The following GAN variants were observed in gnomAD, a reference collection of about 807,000 sequenced individuals.
GAN encodes the protein epididymis secretory sperm binding protein.
A neutral mutation model predicts 71.3 loss-of-function variants in GAN; 48 were observed. That is an observed-to-expected ratio of 0.67 (90% CI 0.53 to 0.86). The LOEUF (loss-of-function observed/expected upper bound fraction) is 0.86, where lower values mean the gene tolerates loss of function less well. Ranked by LOEUF, GAN falls within the 40% of genes least tolerant of loss-of-function variation. The pLI, the probability that GAN is intolerant of heterozygous loss-of-function variation, is 0.00. For synonymous variants in GAN, 386 were observed against 276.8 expected (o/e 1.39, Z -3.92); for missense variants, 928 against 770.1 (o/e 1.21, Z -2.43).
Position 81,378,274 on chromosome 16 carries a change from T to A in GAN, c.*678T>A, listed in dbSNP as rs1567501925. ...TTGATGAGTCAGGTTGCAGCCCTCA[T>A]GTGAACTGAAAGAAGTTGCTCGCTT... On this transcript the variant is annotated 3_prime_UTR_variant, in exon 11 of 11. Transcript: ENST00000648994. The A allele has an allele frequency of 6.5e-6, 1 of 154,610 alleles. No individual in the cohort carries two copies. The highest frequency in any genetic ancestry group is 2.4e-5 in the African/African-American group (1 of 41,454). 9.6% of individuals were successfully genotyped at this position (154,610 alleles called of 1,614,324 possible).
chr16:81,343,634 A>T (rs149424488), intron 1 of GAN, among the ~76,000 whole-genome samples: 1 of 152,204 alleles, frequency 6.6e-6, no homozygotes, highest in African/African-American at 2.4e-5. Context: ...AATAAGACCT[A>T]TTTACGACAA....
chr16:81,336,116 C>A (rs532724187), intron 1 of GAN, among the ~76,000 whole-genome samples: 2 of 152,324 alleles, frequency 1.3e-5, no homozygotes, highest in Non-Finnish European at 2.9e-5. Flanking sequence ...AGGAAGAGCA[C>A]CTTGGTGTTA....
chr16:81,332,178 A>G (rs1909602856), intron 1 of GAN, among the ~76,000 whole-genome samples: 1 of 151,248 alleles, frequency 6.6e-6, no homozygotes. Context: ...AAAAAAAAAG[A>G]AAAAGAAAAA....
intron 9 of GAN, among the ~76,000 whole-genome samples, chr16:81,371,488 C>G (rs1911034448): frequency 6.6e-6 from 1 of 152,206 alleles, no homozygotes; most frequent in Admixed American, 6.5e-5. Context: ...CTTGGTTAGA[C>G]TTAAATTGCA....
At chr16:81,351,816 T>C in intron 2 of GAN, 119 bp downstream of exon 2, 3 of 732,894 alleles carry the variant, frequency 4.1e-6, no homozygotes, top group Non-Finnish European at 5.0e-6. Flanking sequence ...TCTGTCACTG[T>C]GTGCATTGAC....
At chr16:81,336,127 G>C (rs935503697) in intron 1 of GAN, among the ~76,000 whole-genome samples, 3 of 152,188 alleles carry the variant, frequency 2.0e-5, no homozygotes, top group African/African-American at 7.2e-5. Flanking sequence ...CTTGGTGTTA[G>C]CCTGTGTAGC....
In GAN at chr16:81,383,420, T is replaced by A. The variant is rs1228964584; in HGVS notation, c.*5824T>A. ...GGTGCTTATTACCACACTCGGCGAA[T>A]TTTTTGTGTTTTTAGTAGAGACGGG... On this transcript the variant is annotated 3_prime_UTR_variant, in exon 11 of 11. Coordinates refer to ENST00000648994, the MANE Select transcript of GAN (RefSeq NM_022041.4). 3 of 151,738 alleles carry A rather than the reference T, an allele frequency of 2.0e-5. No homozygotes were observed. The highest frequency in any genetic ancestry group is 4.4e-5 in the Non-Finnish European group (3 of 67,918). 9.4% of individuals were successfully genotyped at this position (151,738 alleles called of 1,614,324 possible).
chr16:81,361,867 T>G (rs1910683969), intron 5 of GAN, among the ~76,000 whole-genome samples: 1 of 152,172 alleles, frequency 6.6e-6, no homozygotes, highest in Non-Finnish European at 1.5e-5. Context: ...GCTAATTTCA[T>G]TATTTTTTGT....
At chr16:81,353,978 G>T (rs1267159345) in intron 2 of GAN, among the ~76,000 whole-genome samples, 1 of 151,738 alleles carries the variant, frequency 6.6e-6, no homozygotes, top group Non-Finnish European at 1.5e-5. Context: ...TTTAGCGGAA[G>T]AGTGAACTTC....
At position 81,378,684 on chromosome 16, in the gene GAN, G is replaced by GA. The variant is rs1290102835; in HGVS notation, c.*1089dup. On this transcript the variant is annotated 3_prime_UTR_variant, in exon 11 of 11. Coordinates refer to ENST00000648994, the MANE Select transcript of GAN (RefSeq NM_022041.4). The stretch of plus-strand genomic sequence containing the variant: ...AAGTTTCCCAGTGGCATTCACTAGT[G>GA]AGAGTTTTAGACAAATTATGTTACG... 4.6e-5 allele frequency: 7 copies of GA among 152,766 alleles called. No individual in the cohort carries two copies. Among genetic ancestry groups the GA allele is most frequent in the African/African-American group, 1.7e-4 (7 of 41,580 alleles). 9.5% of individuals were successfully genotyped at this position (152,766 alleles called of 1,614,324 possible).
rs369703737 is a variant in GAN at position 81,354,567 on chromosome 16, G to C, written c.445G>C (p.Val149Leu). 1.9e-6 allele frequency: 3 copies of C among 1,614,070 alleles called. No homozygotes were observed. Among genetic ancestry groups the C allele is most frequent in the Non-Finnish European group, 2.5e-6 (3 of 1,179,972 alleles). ...DFALHYCLHH[V>L]HYLATEYLET... ...TGCACTACATTACTGCCTCCATCACGTTCATTACCTTGCCACAGAATACCT... is the reference window on the plus strand; with the variant it reads ...TGCACTACATTACTGCCTCCATCACCTTCATTACCTTGCCACAGAATACCT... Residue 149 changes from valine (V) to leucine (L), a missense_variant, in exon 3 of 11, where the codon GTT becomes CTT. Val to Leu is a conservative substitution (Grantham distance 32). Coordinates refer to ENST00000648994, the MANE Select transcript of GAN (RefSeq NM_022041.4).
chr16:81,359,922 C>G (rs1010369641), intron 5 of GAN, among the ~76,000 whole-genome samples: 1 of 152,190 alleles, frequency 6.6e-6, no homozygotes, highest in African/African-American at 2.4e-5. Context: ...TATTTTCGGA[C>G]TGCAGTTGAC....
chr16:81,355,387 AGTCT>A (rs1910452634), intron 3 of GAN, among the ~76,000 whole-genome samples: 1 of 152,186 alleles, frequency 6.6e-6, no homozygotes, highest in African/African-American at 2.4e-5. Flanking sequence ...AGAGAGTCTC[AGTCT>A]GTCTCCCAGG....
At chr16:81,353,224 G>A (rs1044237917) in intron 2 of GAN, among the ~76,000 whole-genome samples, 5 of 151,260 alleles carry the variant, frequency 3.3e-5, no homozygotes, top group African/African-American at 7.3e-5. Context: ...CCCAGGGGGC[G>A]GAGCCTGCAG....
chr16:81,374,819 T>C (rs1904275968), intron 9 of GAN, among the ~76,000 whole-genome samples: 1 of 152,250 alleles, frequency 6.6e-6, no homozygotes, highest in Admixed American at 6.5e-5. Context: ...CAAATCCTTT[T>C]AGTGGTTATT....
chr16:81,355,475 C>A (rs149202260), intron 3 of GAN, among the ~76,000 whole-genome samples: 3 of 152,252 alleles, frequency 2.0e-5, no homozygotes, highest in African/African-American at 7.2e-5. Flanking sequence ...AGTGATCTTC[C>A]CACCTCAGCC....
At chr16:81,320,091 A>G (rs144787141) in intron 1 of GAN, among the ~76,000 whole-genome samples, 20 of 152,256 alleles carry the variant, frequency 1.3e-4, no homozygotes, top group African/African-American at 4.8e-4. Context: ...CATTTATTTT[A>G]TGCTGTTAAT....
chr16:81,382,192 C>G lies in GAN; in HGVS notation c.*4596C>G, dbSNP rs775214022. ...CTGATAGATATGGCTTCATTTCTCA[C>G]TTTAGGGAGGAGCAAGAACCAAAAG... On this transcript the variant is annotated 3_prime_UTR_variant, in exon 11 of 11. Coordinates refer to ENST00000648994, the MANE Select transcript of GAN (RefSeq NM_022041.4). 6.6e-6 allele frequency: 1 copy of G among 152,130 alleles called. No individual in the cohort carries two copies. The highest frequency in any genetic ancestry group is 6.5e-5 in the Admixed American group (1 of 15,272). 9.4% of individuals were successfully genotyped at this position (152,130 alleles called of 1,614,324 possible).
At chr16:81,366,122 T>G (rs1451160767) in intron 9 of GAN, among the ~76,000 whole-genome samples, 2 of 152,208 alleles carry the variant, frequency 1.3e-5, no homozygotes, top group African/African-American at 4.8e-5. Flanking sequence ...AGAGAAAGCC[T>G]TCTCATGCCT....
Sources: gnomAD v4.1 joint callset for allele counts (sites outside exome capture counted in the v4.1 genomes callset) on GRCh38, gnomAD v4.1.1 for gene constraint, MANE v1.5 for transcripts, NCBI Gene and HGNC (gene_info 2026-07-23, HGNC 2026-07-21) for gene names.